The following DAB1 variants were observed in gnomAD, a reference collection of about 807,000 sequenced individuals.
DAB1 encodes DAB adaptor protein 1, also known as disabled homolog 1.
A neutral mutation model predicts 64.6 loss-of-function variants in DAB1; 15 were observed. The ratio of observed to expected loss-of-function variants is 0.23; its 90% confidence interval spans 0.16 to 0.36. DAB1 has a LOEUF of 0.36. DAB1 is among the 10% of genes least tolerant of loss of function. The probability of loss-of-function intolerance (pLI) is 1.00; values close to 1 mark genes in which losing one functional copy is unlikely to be tolerated. For missense variants in DAB1, 596 were observed against 706.7 expected, an observed-to-expected ratio of 0.84 and a Z score of 1.78; for synonymous variants, 235 against 251.9, an observed-to-expected ratio of 0.93 and a Z score of 0.64.
At chr1:57,936,407 T>G (rs1267436297) in intron 5 of DAB1, among the ~76,000 whole-genome samples, 1 of 152,234 alleles carries the variant, frequency 6.6e-6, no homozygotes, top group Non-Finnish European at 1.5e-5. Context: ...CTTTTTTTAT[T>G]TTGAGACAGA....
chr1:58,183,260 C>T (rs774885490), intron 4 of DAB1, among the ~76,000 whole-genome samples: 1 of 152,002 alleles, frequency 6.6e-6, no homozygotes, highest in Non-Finnish European at 1.5e-5. Context: ...AAATCTGATA[C>T]AGTTTACTTT....
chr1:57,297,170 A>G (rs965538462), intron 1 of DAB1, among the ~76,000 whole-genome samples: 6 of 152,174 alleles, frequency 3.9e-5, no homozygotes, highest in African/African-American at 1.2e-4. Context: ...TAAAAGACAA[A>G]GAGAAGCTGT....
rs202179895 is a variant in DAB1 at position 57,701,725 on chromosome 1, C to CA, written n.552-52061dup. Among the ~76,000 whole-genome samples the CA allele has an allele frequency of 2.0e-3, 305 of 150,184 alleles. 1 individual carries two copies. Among genetic ancestry groups the CA allele is most frequent in the Middle Eastern group, 6.8e-3 (2 of 292 alleles). Reference sequence around the variant, plus strand: ...AATAAAATAAAAAAAGAAAAAATAACAAAAAAAAATAGTCTTCAAGTTCAC... The same window carrying CA: ...AATAAAATAAAAAAAGAAAAAATAACAAAAAAAAAATAGTCTTCAAGTTCAC... On this transcript the variant is annotated intron_variant and non_coding_transcript_variant, in intron 6 of 20. Transcript: ENST00000485760.
At chr1:57,290,195 C>T (rs1219510657) in intron 2 of DAB1, among the ~76,000 whole-genome samples, 1 of 151,958 alleles carries the variant, frequency 6.6e-6, no homozygotes, top group Non-Finnish European at 1.5e-5. Flanking sequence ...AAAAGGCTCC[C>T]CCAGGAGGCT....
chr1:57,320,795 C>T (rs941713019), intron 1 of DAB1, among the ~76,000 whole-genome samples: 4 of 151,920 alleles, frequency 2.6e-5, no homozygotes, highest in Admixed American at 2.0e-4. Flanking sequence ...ATCACAAAAC[C>T]CTATGTGGTA....
chr1:57,241,965 G>A (rs2100480156), intron 2 of DAB1, among the ~76,000 whole-genome samples: 1 of 152,310 alleles, frequency 6.6e-6, no homozygotes, highest in East Asian at 1.9e-4. Flanking sequence ...TCACAGTCAA[G>A]TCATTTCCCC....
intron 2 of DAB1, among the ~76,000 whole-genome samples, chr1:57,164,778 G>A (rs1167642759): frequency 6.6e-6 from 1 of 152,040 alleles, no homozygotes; most frequent in African/African-American, 2.4e-5. Flanking sequence ...GGTCATCTTT[G>A]CAGAGGCTCT....
At chr1:58,248,001 T>G (rs1283911469) in intron 4 of DAB1, among the ~76,000 whole-genome samples, 1 of 152,120 alleles carries the variant, frequency 6.6e-6, no homozygotes, top group African/African-American at 2.4e-5. Flanking sequence ...AGATTCCATT[T>G]TTAAAAAGGA....
At chr1:58,510,717 C>T (rs924994107) in intron 2 of DAB1, among the ~76,000 whole-genome samples, 1 of 151,732 alleles carries the variant, frequency 6.6e-6, no homozygotes, top group Non-Finnish European at 1.5e-5. Flanking sequence ...AAGTAGAAAA[C>T]TAAAGACTCC....
At chr1:57,488,510 C>T (rs1359802024) in intron 7 of DAB1, among the ~76,000 whole-genome samples, 6 of 151,616 alleles carry the variant, frequency 4.0e-5, no homozygotes, top group Admixed American at 1.3e-4. Context: ...AACCCCATCT[C>T]TACTAAAAAT....
intron 4 of DAB1, among the ~76,000 whole-genome samples, chr1:58,306,546 C>T (rs1662311283): frequency 6.6e-6 from 1 of 152,108 alleles, no homozygotes; most frequent in African/African-American, 2.4e-5. Flanking sequence ...CATCTCAAGT[C>T]TTTGCATCTC....
At chr1:58,004,874 A>T (rs895034008) in intron 5 of DAB1, among the ~76,000 whole-genome samples, 1 of 152,142 alleles carries the variant, frequency 6.6e-6, no homozygotes, top group Non-Finnish European at 1.5e-5. Flanking sequence ...CTTCCTGAAG[A>T]GTGGAAAACA....
intron 5 of DAB1, among the ~76,000 whole-genome samples, chr1:57,970,773 C>A (rs1240394458): frequency 6.6e-6 from 1 of 152,052 alleles, no homozygotes. Context: ...GGTGCAATGA[C>A]CTTTATGGAA....
chr1:57,117,594 T>C (rs1405551175), intron 4 of DAB1, among the ~76,000 whole-genome samples: 2 of 152,310 alleles, frequency 1.3e-5, no homozygotes, highest in East Asian at 1.9e-4. Context: ...CATAGTACAA[T>C]TCAAGCCCTC....
chr1:57,011,982 C>T (rs1330643930), intron 12 of DAB1, among the ~76,000 whole-genome samples: 1 of 152,190 alleles, frequency 6.6e-6, no homozygotes, highest in African/African-American at 2.4e-5. Flanking sequence ...GTACTTGATT[C>T]TATAAGGACA....
At chr1:57,635,221 A>T (rs972082242) in intron 7 of DAB1, among the ~76,000 whole-genome samples, 11 of 152,272 alleles carry the variant, frequency 7.2e-5, no homozygotes, top group African/African-American at 2.6e-4. Context: ...CATTAGGGAG[A>T]TAATTAAGGT....
intron 3 of DAB1, among the ~76,000 whole-genome samples, chr1:58,472,633 A>G (rs988934322): frequency 1.3e-5 from 2 of 152,132 alleles, no homozygotes; most frequent in Non-Finnish European, 2.9e-5. Flanking sequence ...GGACATTTGA[A>G]ATAGTTCAAA....
chr1:58,372,329 C>T (rs1644271760), intron 3 of DAB1, among the ~76,000 whole-genome samples: 1 of 152,180 alleles, frequency 6.6e-6, no homozygotes, highest in South Asian at 2.1e-4. Flanking sequence ...TTGCATAGGG[C>T]CTGTGGCCCC....
At chr1:57,216,650 T>C (rs1180030672) in intron 2 of DAB1, among the ~76,000 whole-genome samples, 3 of 152,230 alleles carry the variant, frequency 2.0e-5, no homozygotes, top group Non-Finnish European at 4.4e-5. Context: ...GAGAGACCTA[T>C]AATAAAGTAC....
Sources: gnomAD v4.1 joint callset for allele counts (sites outside exome capture counted in the v4.1 genomes callset) on GRCh38, gnomAD v4.1.1 for gene constraint, MANE v1.5 for transcripts, NCBI Gene and HGNC (gene_info 2026-07-23, HGNC 2026-07-21) for gene names.